Variants in ANKFN1 observed in about 807,000 individuals in gnomAD.
ANKFN1 encodes ankyrin repeat and fibronectin type-III domain-containing protein 1.
In ANKFN1, 74 loss-of-function variants were observed where a neutral mutation model predicts 108.7. That is an observed-to-expected ratio of 0.68 (90% CI 0.56 to 0.83). ANKFN1 has a LOEUF of 0.83. Among genes scored for constraint, ANKFN1 ranks in the 40% least tolerant of loss-of-function variants. ANKFN1 has a pLI of 0.00. For missense variants in ANKFN1, 1,505 were observed against 1,382.3 expected (o/e 1.09, Z -1.41); for synonymous variants, 547 against 516.2 (o/e 1.06, Z -0.81).
chr17:56,389,545 T>G (rs547778811), intron 8 of ANKFN1, among the ~76,000 whole-genome samples: 4 of 152,238 alleles, frequency 2.6e-5, no homozygotes, highest in Non-Finnish European at 4.4e-5. Context: ...TCACTTCTCC[T>G]TTTTATTCAG....
chr17:56,270,311 G>A lies in ANKFN1; in HGVS notation c.53+42354G>A, dbSNP rs187009872. Among the ~76,000 whole-genome samples the A allele has an allele frequency of 1.9e-4, 29 of 152,284 alleles. No homozygotes were observed. In the East Asian group the frequency reaches 5.0e-3, roughly 26 times the overall value. On this transcript the variant is annotated intron_variant, in intron 3 of 20. Coordinates refer to ENST00000682825, the MANE Select transcript of ANKFN1 (RefSeq NM_001370326.1). ...AGCTTGCCCATGACCAGGCCCATGTGGACCACCACAAGGCCCAGCAAGAAA... is the reference window on the plus strand; with the variant it reads ...AGCTTGCCCATGACCAGGCCCATGTAGACCACCACAAGGCCCAGCAAGAAA...
At chr17:56,077,002 G>C (rs1408280907) in intron 4 of ANKFN1, among the ~76,000 whole-genome samples, 1 of 152,052 alleles carries the variant, frequency 6.6e-6, no homozygotes, top group Non-Finnish European at 1.5e-5. Context: ...TATTCTTATG[G>C]TATCTATTTT....
intron 8 of ANKFN1, among the ~76,000 whole-genome samples, chr17:56,384,504 G>A (rs1401861062): frequency 6.6e-6 from 1 of 152,164 alleles, no homozygotes; most frequent in Non-Finnish European, 1.5e-5. Flanking sequence ...AGGAAATAAA[G>A]GGTATTCAAT....
chr17:56,372,471 G>A (rs1165969993), intron 6 of ANKFN1, among the ~76,000 whole-genome samples, 175 bp from the exon 7 acceptor site: 2 of 151,842 alleles, frequency 1.3e-5, no homozygotes, highest in Non-Finnish European at 2.9e-5. Context: ...CTGATTGTAA[G>A]TGTCACTAAT....
At chr17:56,432,271 G>T (rs1426932229) in intron 8 of ANKFN1, among the ~76,000 whole-genome samples, 1 of 152,200 alleles carries the variant, frequency 6.6e-6, no homozygotes, top group Non-Finnish European at 1.5e-5. Context: ...TCTTACTCAA[G>T]GATATGGCAG....
At chr17:56,356,639 T>C (rs1159969603) in intron 6 of ANKFN1, among the ~76,000 whole-genome samples, 1 of 152,162 alleles carries the variant, frequency 6.6e-6, no homozygotes, top group Non-Finnish European at 1.5e-5. Context: ...GCTGCCCCTT[T>C]TTAGTGGAAC....
chr17:56,157,140 G>A (rs752213083), intron 1 of ANKFN1, among the ~76,000 whole-genome samples: 10 of 152,172 alleles, frequency 6.6e-5, no homozygotes, highest in Non-Finnish European at 1.5e-4. Context: ...AGGCCACTGG[G>A]AGCCAGCAGA....
intron 6 of ANKFN1, among the ~76,000 whole-genome samples, chr17:56,363,546 A>G (rs2046581726): frequency 1.3e-5 from 2 of 152,196 alleles, no homozygotes; most frequent in Non-Finnish European, 2.9e-5. Flanking sequence ...GAATTACCAT[A>G]TGACCTAGTC....
chr17:56,395,279 C>T (rs1025798242), intron 8 of ANKFN1, among the ~76,000 whole-genome samples: 1 of 152,156 alleles, frequency 6.6e-6, no homozygotes, highest in East Asian at 1.9e-4. Context: ...AGTCTTATCA[C>T]CCCTACACTT....
chr17:56,415,203 C>T (rs1384883396), intron 8 of ANKFN1, among the ~76,000 whole-genome samples: 1 of 152,108 alleles, frequency 6.6e-6, no homozygotes, highest in African/African-American at 2.4e-5. Flanking sequence ...GAAGTCCTAG[C>T]TAGTGCAATC....
At chr17:56,196,094 A>G (rs557638194) in intron 1 of ANKFN1, among the ~76,000 whole-genome samples, 18 of 152,160 alleles carry the variant, frequency 1.2e-4, no homozygotes, top group Middle Eastern at 3.4e-3. Flanking sequence ...TGGCAAAACC[A>G]CATCTCTGCA....
chr17:56,328,038 T>C (rs771396772), intron 4 of ANKFN1, among the ~76,000 whole-genome samples: 2 of 152,146 alleles, frequency 1.3e-5, no homozygotes, highest in African/African-American at 4.8e-5. Context: ...TGAGAAGTGA[T>C]GTTAAAAAAA....
intron 14 of ANKFN1, among the ~76,000 whole-genome samples, chr17:56,465,802 A>G (rs2050053105): frequency 1.3e-5 from 2 of 152,180 alleles, no homozygotes. Context: ...AAGCCCCTGA[A>G]ATGCAGATAA....
intron 1 of ANKFN1, among the ~76,000 whole-genome samples, chr17:56,200,735 A>G (rs931111524): frequency 6.6e-6 from 1 of 152,228 alleles, no homozygotes; most frequent in East Asian, 1.9e-4. Context: ...TTACCTGAGA[A>G]GATATAGGCA....
chr17:56,212,995 A>C (rs1915132977), intron 2 of ANKFN1, among the ~76,000 whole-genome samples: 3 of 152,226 alleles, frequency 2.0e-5, no homozygotes, highest in Non-Finnish European at 4.4e-5. Flanking sequence ...CAGCAGCCTC[A>C]CATCTGAAGT....
chr17:56,125,848 C>A (rs868473944), intron 4 of ANKFN1, among the ~76,000 whole-genome samples: 45 of 152,348 alleles, frequency 3.0e-4, no homozygotes, highest in Admixed American at 8.5e-4. Context: ...GCAATGCACC[C>A]CACACAGCAG....
intron 1 of ANKFN1, among the ~76,000 whole-genome samples, chr17:56,185,417 C>T (rs1472295702): frequency 6.6e-6 from 1 of 152,160 alleles, no homozygotes; most frequent in Non-Finnish European, 1.5e-5. Flanking sequence ...TCTCCATAAC[C>T]TTTATAACCC....
chr17:56,190,714 A>C (rs1471549878), intron 1 of ANKFN1, among the ~76,000 whole-genome samples: 5 of 138,034 alleles, frequency 3.6e-5, no homozygotes, highest in Admixed American at 1.5e-4. Context: ...AGAGTTCTGT[A>C]GATGTCTATT....
intron 6 of ANKFN1, among the ~76,000 whole-genome samples, chr17:56,359,052 A>C (rs1291596064): frequency 6.6e-6 from 1 of 152,168 alleles, no homozygotes; most frequent in Non-Finnish European, 1.5e-5. Flanking sequence ...ATTGTGTACA[A>C]ATCTGGTCAC....
Sources: allele counts gnomAD v4.1 joint callset (sites outside exome capture counted in the v4.1 genomes callset), GRCh38; gene constraint gnomAD v4.1.1; transcripts MANE v1.5; gene names NCBI Gene and HGNC (gene_info 2026-07-23, HGNC 2026-07-21).